Variants in RANBP17 observed in about 807,000 individuals in gnomAD.
RANBP17 encodes ran-binding protein 17.
A neutral mutation model predicts 141.2 loss-of-function variants in RANBP17; 158 were observed. The ratio of observed to expected loss-of-function variants is 1.12; its 90% CI spans 0.98 to 1.28. The LOEUF is 1.28. Ranked by LOEUF, RANBP17 falls within the 50% of genes most tolerant of loss-of-function variation. The probability of loss-of-function intolerance (pLI) is 0.00; values close to 1 mark genes in which losing one functional copy is unlikely to be tolerated. For synonymous variants in RANBP17, 430 were observed against 450.0 expected, an observed-to-expected ratio of 0.96 and a Z score of 0.56; for missense variants, 1,438 against 1,290.7, an observed-to-expected ratio of 1.11 and a Z score of -1.75.
At chr5:170,937,395 T>C (rs1773970103) in intron 12 of RANBP17, among the ~76,000 whole-genome samples, 1 of 152,202 alleles carries the variant, frequency 6.6e-6, no homozygotes, top group Non-Finnish European at 1.5e-5. Context: ...ACTTCTCACA[T>C]TGGGCCTGTC....
At chr5:171,245,211 C>T (rs981972220) in intron 24 of RANBP17, among the ~76,000 whole-genome samples, 5 of 152,062 alleles carry the variant, frequency 3.3e-5, no homozygotes, top group Admixed American at 6.5e-5. Flanking sequence ...GGATTTTTCT[C>T]CTTATGGGTC....
At chr5:170,901,079 T>C (rs1770595017) in intron 5 of RANBP17, among the ~76,000 whole-genome samples, 1 of 152,204 alleles carries the variant, frequency 6.6e-6, no homozygotes. Context: ...ATTTTCTTTC[T>C]CGTTGATCTC....
At chr5:171,049,380 A>C (rs993768302) in intron 14 of RANBP17, among the ~76,000 whole-genome samples, 2 of 152,140 alleles carry the variant, frequency 1.3e-5, no homozygotes, top group African/African-American at 4.8e-5. Flanking sequence ...CCTTTGTTGG[A>C]TGCATAGTTT....
intron 14 of RANBP17, among the ~76,000 whole-genome samples, chr5:171,030,539 T>C (rs897276486): frequency 6.6e-6 from 1 of 152,034 alleles, no homozygotes; most frequent in African/African-American, 2.4e-5. Context: ...CAGATTCTAG[T>C]AGAAAATTAT....
intron 12 of RANBP17, among the ~76,000 whole-genome samples, chr5:170,934,631 C>T (rs1773700589): frequency 6.6e-6 from 1 of 152,144 alleles, no homozygotes; most frequent in South Asian, 2.1e-4. Flanking sequence ...TGAATATTGG[C>T]CCCCACTCTC....
chr5:171,097,027 A>G (rs1162605811), intron 14 of RANBP17, among the ~76,000 whole-genome samples: 2 of 152,108 alleles, frequency 1.3e-5, no homozygotes, highest in African/African-American at 4.8e-5. Context: ...TGTTTTTTAT[A>G]CTTATGTTTT....
intron 14 of RANBP17, among the ~76,000 whole-genome samples, chr5:171,083,045 A>G (rs932196451): frequency 2.0e-5 from 3 of 152,184 alleles, no homozygotes; most frequent in African/African-American, 4.8e-5. Context: ...TTTTCAGAAT[A>G]AAGTATTCAA....
Position 170,953,714 on chromosome 5 carries a change from C to A in RANBP17, c.1574+12C>A. On this transcript the variant is annotated intron_variant, in intron 13 of 27. Transcript: ENST00000523189. ...GAATTATCCTGTCGGTAAGTAAGAG[C>A]TATGTAATTTACTGAAATTCACTAA... The A allele has an allele frequency of 6.6e-7, 1 of 1,512,474 alleles. No individual in the cohort carries two copies. Among genetic ancestry groups the A allele is most frequent in the Non-Finnish European group, 9.2e-7 (1 of 1,090,766 alleles). The allele number at this position is 1,512,474 out of a possible 1,614,324, so 93.7% of individuals were successfully genotyped here. A position where few individuals can be genotyped will look rare whatever the true frequency, so the allele number is the denominator to read the frequency against.
chr5:171,163,302 T>C (rs922073686), intron 14 of RANBP17, among the ~76,000 whole-genome samples: 11 of 152,324 alleles, frequency 7.2e-5, no homozygotes, highest in Admixed American at 5.2e-4. Flanking sequence ...GCAATGATGT[T>C]TGTACCATTA....
Position 171,078,539 on chromosome 5 carries a change from A to C in RANBP17, c.1711-91591A>C, listed in dbSNP as rs961062777. Among the ~76,000 whole-genome samples, 3 of 152,232 alleles carry C rather than the reference A, an allele frequency of 2.0e-5. No individual in the cohort carries two copies. The South Asian group carries it at 6.2e-4, about 32-fold the overall frequency. On this transcript the variant is annotated intron_variant, in intron 14 of 27. Coordinates refer to ENST00000523189, the MANE Select transcript of RANBP17 (RefSeq NM_022897.5). ...AGAACTTTCCTAGCTAGAGAAGAGA[A>C]GTCAATGCCTGGCTTGAAAGCTTCA...
chr5:171,202,226 CAAAGT>C (rs1434339887), intron 19 of RANBP17, among the ~76,000 whole-genome samples: 1 of 152,024 alleles, frequency 6.6e-6, no homozygotes, highest in Non-Finnish European at 1.5e-5. Context: ...TTTTTCTCTT[CAAAGT>C]AAAGGGGAAA....
In RANBP17 at chr5:171,023,166, T is replaced by TA. The variant is rs1252483363; in HGVS notation, c.1710+54790dup. Among the ~76,000 whole-genome samples the TA allele has an allele frequency of 2.6e-5, 4 of 152,184 alleles. No homozygotes were observed. In the East Asian group the frequency reaches 7.7e-4, roughly 29 times the overall value. ...GCCAGTGAAGGATTCACATGCCTAT[T>TA]ATAGTTCTTTTTAATGGGACCCTCT... On this transcript the variant is annotated intron_variant, in intron 14 of 27. Coordinates refer to ENST00000523189, the MANE Select transcript of RANBP17 (RefSeq NM_022897.5).
chr5:171,040,126 A>G (rs751420983), intron 14 of RANBP17, among the ~76,000 whole-genome samples: 6 of 152,130 alleles, frequency 3.9e-5, no homozygotes, highest in Non-Finnish European at 7.4e-5. Context: ...CCCCCCAAAA[A>G]TACTAGCAAT....
At chr5:170,902,944 A>ATGAGGTGTCTGTTGACGCCCGC (rs1770768071) in intron 5 of RANBP17, among the ~76,000 whole-genome samples, 1 of 152,142 alleles carries the variant, frequency 6.6e-6, no homozygotes, top group Non-Finnish European at 1.5e-5. Context: ...GCTCTCCTGT[A>ATGAGGTGTCTGTTGACGCCCGC]TGAGGTGTCT....
chr5:170,926,544 T>C (rs1025744711), intron 12 of RANBP17, among the ~76,000 whole-genome samples: 1 of 152,168 alleles, frequency 6.6e-6, no homozygotes, highest in Non-Finnish European at 1.5e-5. Flanking sequence ...TATTTTGACA[T>C]TAATCATTTA....
At chr5:171,250,569 G>C (rs958580343) in intron 24 of RANBP17, among the ~76,000 whole-genome samples, 6 of 152,104 alleles carry the variant, frequency 3.9e-5, no homozygotes, top group East Asian at 1.9e-4. Flanking sequence ...AAAAAAATTT[G>C]ATCCAACTAT....
Position 171,091,932 on chromosome 5 carries a change from C to G in RANBP17, c.1711-78198C>G, listed in dbSNP as rs536815925. On this transcript the variant is annotated intron_variant, in intron 14 of 27. Transcript: ENST00000523189. ...GCATGAAAACAGACTAATACACCAG[C>G]TTTTCATATATGCAGGTTCCACAGG... Among the ~76,000 whole-genome samples, 4 of 152,258 alleles carry G rather than the reference C, an allele frequency of 2.6e-5. No individual in the cohort carries two copies. In the East Asian group the frequency reaches 7.7e-4, roughly 29 times the overall value.
chr5:170,981,165 C>T (rs533808915), intron 14 of RANBP17, among the ~76,000 whole-genome samples: 1 of 152,308 alleles, frequency 6.6e-6, no homozygotes, highest in African/African-American at 2.4e-5. Flanking sequence ...GCCTATACCC[C>T]CATTTTGTGT....
chr5:171,224,508 A>C (rs1262669880), intron 22 of RANBP17, among the ~76,000 whole-genome samples: 1 of 152,250 alleles, frequency 6.6e-6, no homozygotes, highest in Non-Finnish European at 1.5e-5. Flanking sequence ...ATTCTCACAG[A>C]ATAATGCCAA....
Sources: gnomAD v4.1 joint callset for allele counts (sites outside exome capture counted in the v4.1 genomes callset) on GRCh38, gnomAD v4.1.1 for gene constraint, MANE v1.5 for transcripts, NCBI Gene and HGNC (gene_info 2026-07-23, HGNC 2026-07-21) for gene names.